GLB1: variants seen among roughly 807,000 people sequenced by gnomAD.
GLB1 encodes galactosidase beta 1.
In GLB1, 56 loss-of-function variants were observed where a neutral mutation model predicts 74.0. That is an observed-to-expected ratio of 0.76 (90% CI 0.61 to 0.94). The LOEUF is 0.94. Ranked by LOEUF, GLB1 falls within the 40% of genes least tolerant of loss-of-function variation. The pLI is 0.00. For synonymous variants in GLB1, 323 were observed against 323.6 expected (o/e 1.00, Z 0.02); for missense variants, 787 against 845.5 (o/e 0.93, Z 0.86).
the GLB1 span, among the ~76,000 whole-genome samples, chr3:32,984,260 C>T: frequency 6.6e-6 from 1 of 152,006 alleles, no homozygotes; most frequent in Admixed American, 6.6e-5. Flanking sequence ...CCTACACCCC[C>T]CTGAGAATTC....
In GLB1 at chr3:33,074,364, G is replaced by GAAA. The variant is rs1301442469; in HGVS notation, c.76-1652_76-1651insTTT. On this transcript the variant is annotated intron_variant, in intron 1 of 15. Transcript: ENST00000307363. ...AGGAAGGAAGGAAGGAAGGAAGGAA[G>GAAA]GAAGGAAGGAAGGAAGGAAGGAAGG... 8.5e-3 allele frequency among the ~76,000 whole-genome samples: 999 copies of GAAA among 117,840 alleles called. 118 individuals are homozygous for GAAA. The highest frequency in any genetic ancestry group is 0.029 in the African/African-American group (939 of 31,840). The allele number at this position is 117,840 out of a possible 152,430, so 77.3% of individuals were successfully genotyped here.
At chr3:33,024,377 C>G in intron 10 of GLB1, 52 bp from the exon 11 acceptor site, 1 of 1,545,792 alleles carries the variant, frequency 6.5e-7, no homozygotes, top group South Asian at 1.2e-5. Context: ...GGTAAACCTT[C>G]AGAAACATAT....
intron 5 of GLB1, among the ~76,000 whole-genome samples, chr3:33,058,531 G>A (rs983735566): frequency 6.6e-6 from 1 of 152,036 alleles, no homozygotes. Flanking sequence ...TGTTCAGATT[G>A]TAGTGGTATT....
At chr3:33,089,098 G>A (rs1700646212) in intron 1 of GLB1, among the ~76,000 whole-genome samples, 1 of 152,120 alleles carries the variant, frequency 6.6e-6, no homozygotes, top group Non-Finnish European at 1.5e-5. Flanking sequence ...GAATGAAGTT[G>A]GACCCTTATC....
the GLB1 span, among the ~76,000 whole-genome samples, chr3:32,972,486 T>C: frequency 1.3e-5 from 2 of 152,344 alleles, no homozygotes; most frequent in East Asian, 3.9e-4. Flanking sequence ...TCTCAGCCTT[T>C]GGAGGATTCA....
chr3:33,026,822 T>A (rs1241279714), intron 10 of GLB1, among the ~76,000 whole-genome samples: 1 of 151,982 alleles, frequency 6.6e-6, no homozygotes, highest in Non-Finnish European at 1.5e-5. Flanking sequence ...AGCTGAACAC[T>A]CGCTGGGACA....
chr3:32,964,721 T>G, the GLB1 span, among the ~76,000 whole-genome samples: 2 of 152,158 alleles, frequency 1.3e-5, no homozygotes, highest in Admixed American at 6.5e-5. Context: ...AATGAAAACT[T>G]TGGTCCATAA....
At chr3:33,083,214 A>G (rs1445956566) in intron 1 of GLB1, among the ~76,000 whole-genome samples, 1 of 152,126 alleles carries the variant, frequency 6.6e-6, no homozygotes, top group African/African-American at 2.4e-5. Flanking sequence ...CCTGACCAAC[A>G]TGGCAAAACC....
intron 10 of GLB1, among the ~76,000 whole-genome samples, chr3:33,029,776 G>A (rs770253842): frequency 1.3e-5 from 2 of 152,036 alleles, no homozygotes; most frequent in African/African-American, 4.8e-5. Flanking sequence ...ACAAAGAGGG[G>A]AACAGACATC....
intron 10 of GLB1, among the ~76,000 whole-genome samples, chr3:33,042,806 C>T (rs1698561420): frequency 6.6e-6 from 1 of 152,176 alleles, no homozygotes; most frequent in South Asian, 2.1e-4. Flanking sequence ...GGAGATATGC[C>T]ACATGGCTCT....
At chr3:33,065,054 T>TATGCCA (rs1259612533) in intron 5 of GLB1, among the ~76,000 whole-genome samples, 1 of 152,050 alleles carries the variant, frequency 6.6e-6, no homozygotes, top group Non-Finnish European at 1.5e-5. Flanking sequence ...TACCAAAGTG[T>TATGCCA]TTCAGTCCAC....
intron 12 of GLB1, 54 bp from the exon 13 acceptor site, chr3:33,018,615 A>T (rs1418255768): frequency 6.3e-7 from 1 of 1,585,372 alleles, no homozygotes; most frequent in African/African-American, 1.3e-5. Context: ...TCATTTAGAG[A>T]ACTTGGTTAC....
chr3:33,058,525 C>T (rs950745365), intron 5 of GLB1, among the ~76,000 whole-genome samples: 8 of 152,104 alleles, frequency 5.3e-5, no homozygotes, highest in Non-Finnish European at 1.0e-4. Flanking sequence ...AACTGGTGTT[C>T]AGATTGTAGT....
chr3:33,092,568 G>T, intron 1 of GLB1: 8 of 1,222,578 alleles, frequency 6.5e-6, no homozygotes, highest in Non-Finnish European at 8.2e-6. Flanking sequence ...ACATCATCTG[G>T]AAAATAGAGG....
intron 2 of GLB1, 98 bp from the exon 3 acceptor site, chr3:33,069,068 G>C: frequency 1.9e-6 from 3 of 1,598,752 alleles, no homozygotes; most frequent in South Asian, 2.2e-5. Flanking sequence ...CTAACACATG[G>C]ATAAGAGGGA....
At chr3:32,987,542 C>G in the GLB1 span, among the ~76,000 whole-genome samples, 1 of 152,148 alleles carries the variant, frequency 6.6e-6, no homozygotes, top group African/African-American at 2.4e-5. Context: ...GGATTGTGAA[C>G]CCCTCTTCTG....
intron 15 of GLB1, among the ~76,000 whole-genome samples, chr3:33,003,989 C>T (rs116226673): frequency 0.044 from 6,685 of 151,928 alleles, 208 homozygotes; most frequent in African/African-American, 0.076. Context: ...GAGATCGTGT[C>T]GCTGCACTCC....
intron 9 of GLB1, among the ~76,000 whole-genome samples, chr3:33,049,435 G>A (rs1698885226): frequency 6.6e-6 from 1 of 151,936 alleles, no homozygotes; most frequent in Admixed American, 6.6e-5. Context: ...TTTTATTTTT[G>A]AGACAAAGTC....
the GLB1 span, among the ~76,000 whole-genome samples, chr3:32,982,532 C>G: frequency 6.6e-6 from 1 of 151,764 alleles, no homozygotes; most frequent in African/African-American, 2.4e-5. Flanking sequence ...AGACAAACAA[C>G]TAAAGTAGAA....
Sources: allele counts gnomAD v4.1 joint callset (sites outside exome capture counted in the v4.1 genomes callset), GRCh38; gene constraint gnomAD v4.1.1; transcripts MANE v1.5; gene names NCBI Gene and HGNC (gene_info 2026-07-23, HGNC 2026-07-21).